The following TPD52 variants were observed in gnomAD, a reference collection of about 807,000 sequenced individuals.
TPD52 encodes the protein tumor protein D52, also known as prostate and colon associated protein.
A neutral mutation model predicts 31.3 loss-of-function variants in TPD52; 17 were observed. That is an observed-to-expected ratio of 0.54 (90% CI 0.37 to 0.82). TPD52 has a LOEUF of 0.82. Ranked by LOEUF, TPD52 falls within the 40% of genes least tolerant of loss-of-function variation. The pLI is 0.00. For synonymous variants in TPD52, 83 were observed against 89.6 expected (o/e 0.93, Z 0.42); for missense variants, 212 against 240.1 (o/e 0.88, Z 0.77).
At chr8:80,105,050 T>C (rs1282600284) in intron 1 of TPD52, among the ~76,000 whole-genome samples, 3 of 152,072 alleles carry the variant, frequency 2.0e-5, no homozygotes, top group African/African-American at 7.2e-5. Context: ...CAGAGTAAGA[T>C]ACTGTCTCAA....
At chr8:80,134,506 C>T (rs1222089880) in intron 1 of TPD52, among the ~76,000 whole-genome samples, 2 of 152,246 alleles carry the variant, frequency 1.3e-5, no homozygotes, top group Non-Finnish European at 2.9e-5. Context: ...AGGCCACTGT[C>T]TTCTTGCCTT....
At position 80,124,943 on chromosome 8, in the gene TPD52, C is replaced by A. The variant is rs544535701; in HGVS notation, c.19+46482G>T. Among the ~76,000 whole-genome samples, 17 of 152,334 alleles carry A rather than the reference C, an allele frequency of 1.1e-4. No individual in the cohort carries two copies. The South Asian group carries it at 3.5e-3, about 32-fold the overall frequency. ...CAACCTCCCTTACTCATATTGACAT[C>A]CCATGCCACAATAATGTTTGCTACA... On this transcript the variant is annotated intron_variant, in intron 1 of 7. Coordinates refer to ENST00000518937, the MANE Select transcript of TPD52 (RefSeq NM_001025253.3).
chr8:80,169,024 G>A lies in TPD52; in HGVS notation c.19+2401C>T, dbSNP rs372201802. On this transcript the variant is annotated intron_variant, in intron 1 of 7. Coordinates refer to ENST00000518937, the MANE Select transcript of TPD52 (RefSeq NM_001025253.3). Reference sequence around the variant, plus strand: ...TTTTGAGATAGAGTCTCGCTCTGTCGCCCAGGCTGGAGTGCAGTGGTTTGA... The same window carrying A: ...TTTTGAGATAGAGTCTCGCTCTGTCACCCAGGCTGGAGTGCAGTGGTTTGA... 1.7e-3 allele frequency among the ~76,000 whole-genome samples: 263 copies of A among 152,268 alleles called. 1 individual carries two copies. Among genetic ancestry groups the A allele is most frequent in the African/African-American group, 5.9e-3 (245 of 41,558 alleles).
At position 80,074,982 on chromosome 8, in the gene TPD52, AT is replaced by A. The variant is rs1392394594; in HGVS notation, c.20-10390del. 3.3e-5 allele frequency among the ~76,000 whole-genome samples: 5 copies of A among 151,264 alleles called. 1 individual carries two copies. Among genetic ancestry groups the A allele is most frequent in the Admixed American group, 1.3e-4 (2 of 15,142 alleles). On this transcript the variant is annotated intron_variant, in intron 1 of 7. Transcript: ENST00000518937. ...GGGGACAATGTCTGGGTTATTTTTTATTTTTTTTTATTTTTTGAGATGGAGT... is the reference window on the plus strand; with the variant it reads ...GGGGACAATGTCTGGGTTATTTTTTATTTTTTTTATTTTTTGAGATGGAGT...
At chr8:80,081,156 CTTTTTTTTT>C (rs5892705) in intron 1 of TPD52, among the ~76,000 whole-genome samples, 1 of 109,376 alleles carries the variant, frequency 9.1e-6, no homozygotes, top group Non-Finnish European at 1.8e-5. Flanking sequence ...TTTTCTCTCT[CTTTTTTTTT>C]TTTTTTTTTT....
At chr8:80,039,643 A>G (rs1219338437) in intron 7 of TPD52, among the ~76,000 whole-genome samples, 1 of 152,002 alleles carries the variant, frequency 6.6e-6, no homozygotes, top group South Asian at 2.1e-4. Flanking sequence ...AAACCCTTCA[A>G]TGGCTTCCCA....
At chr8:80,154,733 ACACACACACACAC>A (rs1810817277) in intron 1 of TPD52, among the ~76,000 whole-genome samples, 2 of 149,804 alleles carry the variant, frequency 1.3e-5, no homozygotes, top group East Asian at 3.9e-4. Context: ...ACACACACAC[ACACACACACACAC>A]ACACACAAAA....
intron 1 of TPD52, among the ~76,000 whole-genome samples, chr8:80,128,492 T>TAAAAAAA (rs1212262647): frequency 5.7e-5 from 1 of 17,434 alleles, no homozygotes; most frequent in African/African-American, 5.2e-4. Context: ...ACCCTGTCTC[T>TAAAAAAA]ACAAAAAAAA....
At chr8:80,059,960 A>G (rs561368598) in intron 2 of TPD52, among the ~76,000 whole-genome samples, 1 of 152,144 alleles carries the variant, frequency 6.6e-6, no homozygotes, top group African/African-American at 2.4e-5. Flanking sequence ...GCACGCCTGT[A>G]GTCCCAGCTA....
In TPD52 at chr8:80,171,471, T is replaced by A. The variant is rs1048106666; in HGVS notation, c.-28A>T. ...CTCCAGCCCGCCGCCTCGTGTCCTCTGCAGCACCCCCGCCTGCAGCCCGTC... is the reference window on the plus strand; with the variant it reads ...CTCCAGCCCGCCGCCTCGTGTCCTCAGCAGCACCCCCGCCTGCAGCCCGTC... On this transcript the variant is annotated 5_prime_UTR_variant, in exon 1 of 8. Coordinates refer to ENST00000518937, the MANE Select transcript of TPD52 (RefSeq NM_001025253.3). 7.0e-6 allele frequency: 11 copies of A among 1,569,598 alleles called. No individual in the cohort carries two copies. In the African/African-American group the frequency reaches 1.1e-4, roughly 16 times the overall value.
intron 1 of TPD52, among the ~76,000 whole-genome samples, chr8:80,083,742 C>T (rs62516075): frequency 6.6e-6 from 1 of 152,008 alleles, no homozygotes; most frequent in African/African-American, 2.4e-5. Flanking sequence ...GACTAGTACA[C>T]CTTGGTATCG....
chr8:80,111,320 G>A (rs1807482039), intron 1 of TPD52, among the ~76,000 whole-genome samples: 1 of 152,202 alleles, frequency 6.6e-6, no homozygotes, highest in Admixed American at 6.5e-5. Context: ...ACTTTGATTG[G>A]CATCTGAAGT....
intron 1 of TPD52, among the ~76,000 whole-genome samples, chr8:80,146,075 T>G (rs1425792634): frequency 6.6e-6 from 1 of 152,152 alleles, no homozygotes; most frequent in African/African-American, 2.4e-5. Context: ...ACAGCCCAAC[T>G]CACCTAACAC....
chr8:80,042,342 G>A, intron 7 of TPD52: 1 of 985,408 alleles, frequency 1.0e-6, no homozygotes, highest in South Asian at 4.7e-5. Flanking sequence ...TACTTGAAAT[G>A]AATAAAGCAA....
intron 1 of TPD52, among the ~76,000 whole-genome samples, chr8:80,125,145 G>C (rs935903636): frequency 2.6e-5 from 4 of 152,210 alleles, no homozygotes; most frequent in Admixed American, 6.5e-5. Flanking sequence ...AGGAGCAAGA[G>C]CATGAAGGAC....
intron 1 of TPD52, among the ~76,000 whole-genome samples, chr8:80,147,394 C>G (rs1483111894): frequency 6.6e-6 from 1 of 152,112 alleles, no homozygotes; most frequent in African/African-American, 2.4e-5. Flanking sequence ...CAAAAAACCA[C>G]GTCCAATCAG....
At chr8:80,088,440 A>G (rs1174569940) in intron 1 of TPD52, among the ~76,000 whole-genome samples, 1 of 152,194 alleles carries the variant, frequency 6.6e-6, no homozygotes, top group Non-Finnish European at 1.5e-5. Flanking sequence ...GAGTGAGCAT[A>G]AGGAACTGAG....
intron 2 of TPD52, among the ~76,000 whole-genome samples, chr8:80,054,536 T>A (rs1201376797): frequency 2.0e-5 from 3 of 152,052 alleles, no homozygotes; most frequent in East Asian, 1.9e-4. Context: ...CTCAGAGAAA[T>A]GCGTCTCCTG....
chr8:80,160,919 C>T (rs137916000), intron 1 of TPD52, among the ~76,000 whole-genome samples: 8,422 of 147,716 alleles, frequency 0.057, 785 homozygotes, highest in African/African-American at 0.21. Flanking sequence ...AAAAATAGCC[C>T]GGCATGGTGG....
Sources: gnomAD v4.1 joint callset for allele counts (sites outside exome capture counted in the v4.1 genomes callset) on GRCh38, gnomAD v4.1.1 for gene constraint, MANE v1.5 for transcripts, NCBI Gene and HGNC (gene_info 2026-07-23, HGNC 2026-07-21) for gene names.